The following NHSL2 variants were observed in gnomAD, a reference collection of about 807,000 sequenced individuals.
NHSL2 encodes NHS-like protein 2.
In NHSL2, 27 loss-of-function variants were observed where a neutral mutation model predicts 53.4. The observed-to-expected ratio is 0.51, with a 90% CI of 0.37 to 0.70. NHSL2 has a LOEUF of 0.70. Among genes scored for constraint, NHSL2 ranks in the 30% least tolerant of loss-of-function variants. The pLI is 0.00. For synonymous variants in NHSL2, 408 were observed against 404.1 expected (o/e 1.01, Z -0.12); for missense variants, 892 against 980.1 (o/e 0.91, Z 1.20).
chrX:71,990,790 T>A (rs2042023871), intron 1 of NHSL2, among the ~76,000 whole-genome samples: 1 of 112,190 alleles, frequency 8.9e-6, no homozygotes, highest in African/African-American at 3.2e-5. Flanking sequence ...GCTTCCAGCA[T>A]AAAATCCAAA....
At chrX:71,970,481 G>A (rs1402148449) in intron 1 of NHSL2, among the ~76,000 whole-genome samples, 1 of 111,665 alleles carries the variant, frequency 9.0e-6, no homozygotes, top group Non-Finnish European at 1.9e-5. Context: ...CTAGGAATTT[G>A]TCTATTTTAT....
chrX:72,098,880 C>A (rs1215030401), intron 1 of NHSL2, among the ~76,000 whole-genome samples: 1 of 111,791 alleles, frequency 8.9e-6, no homozygotes, highest in African/African-American at 3.3e-5. Context: ...ATAACAGTTA[C>A]TTGTGTGTCC....
At chrX:72,036,402 T>G (rs2042241720) in intron 1 of NHSL2, among the ~76,000 whole-genome samples, 1 of 112,424 alleles carries the variant, frequency 8.9e-6, no homozygotes, top group South Asian at 3.6e-4. Context: ...TCTCTCTGAC[T>G]GCTTTCAAAA....
chrX:72,132,402 A>C (rs757592227), intron 2 of NHSL2, among the ~76,000 whole-genome samples, 168 bp downstream of exon 2: 2 of 111,998 alleles, frequency 1.8e-5, no homozygotes, highest in South Asian at 7.6e-4. Flanking sequence ...ATGATTCTGA[A>C]AGAGGCTATT....
chrX:72,131,733 G>T lies in NHSL2; in HGVS notation c.281-346G>T, dbSNP rs1440976226. On this transcript the variant is annotated intron_variant, in intron 1 of 7. Coordinates refer to ENST00000633930, the MANE Select transcript of NHSL2 (RefSeq NM_001013627.3). Reference sequence around the variant, plus strand: ...GGCGCTCTGGGCGGAGGGCCCGGCGGCTCGGCCCAGGGCGCGTTACCTCGT... The same window carrying T: ...GGCGCTCTGGGCGGAGGGCCCGGCGTCTCGGCCCAGGGCGCGTTACCTCGT... 9.1e-5 allele frequency: 29 copies of T among 320,258 alleles called. No individual in the cohort carries two copies. In the East Asian group the frequency reaches 1.4e-3, roughly 15 times the overall value. The allele number at this position is 320,258 out of a possible 1,213,427, so 26.4% of individuals were successfully genotyped here. A position where few individuals can be genotyped will look rare whatever the true frequency, so the allele number is the denominator to read the frequency against.
chrX:71,955,832 C>T (rs1234453357), intron 1 of NHSL2, among the ~76,000 whole-genome samples: 1 of 108,860 alleles, frequency 9.2e-6, no homozygotes, highest in Admixed American at 9.8e-5. Flanking sequence ...ATTCTGACCA[C>T]ATGTTTCCCA....
At chrX:72,116,489 G>A (rs1433598748) in intron 1 of NHSL2, among the ~76,000 whole-genome samples, 1 of 112,217 alleles carries the variant, frequency 8.9e-6, no homozygotes, top group African/African-American at 3.2e-5. Context: ...ATAGATCTTT[G>A]AGATCCAAAT....
At position 72,151,545 on chromosome X, in the gene NHSL2, A is replaced by C. The variant is rs10156916; in HGVS notation, c.*7971A>C. 1,210 of 111,671 alleles carry C rather than the reference A, an allele frequency of 0.011. 19 individuals are homozygous for C. Among genetic ancestry groups the C allele is most frequent in the African/African-American group, 0.038 (1,162 of 30,727 alleles). The allele number at this position is 111,671 out of a possible 1,213,427, so 9.2% of individuals were successfully genotyped here. On this transcript the variant is annotated 3_prime_UTR_variant, in exon 8 of 8. Coordinates refer to ENST00000633930, the MANE Select transcript of NHSL2 (RefSeq NM_001013627.3). ...CTGCATATGCCAACCATTACTCTTC[A>C]ATAGAGTGTCCTTCATGAGCTCTCT...
intron 1 of NHSL2, among the ~76,000 whole-genome samples, chrX:72,109,774 G>A (rs1208174985): frequency 9.0e-6 from 1 of 111,603 alleles, no homozygotes; most frequent in African/African-American, 3.3e-5. Context: ...GCCCAGGCAG[G>A]GTCTTCATTG....
In NHSL2 at chrX:72,131,160, G is replaced by T. The variant is rs1345574816; in HGVS notation, c.281-919G>T. 7 of 1,173,335 alleles carry T rather than the reference G, an allele frequency of 6.0e-6. No homozygotes were observed. The African/African-American group carries it at 7.2e-5, about 12-fold the overall frequency. On this transcript the variant is annotated intron_variant, in intron 1 of 7. Coordinates refer to ENST00000633930, the MANE Select transcript of NHSL2 (RefSeq NM_001013627.3). The stretch of plus-strand genomic sequence containing the variant: ...ACGCGGGCGGAGGCAGCGCCGGCGG[G>T]GGCGGGATGGGCAGCAGAGGGGGGT...
At chrX:71,980,559 GGGTGTGTGGGGTGT>G (rs2041971682) in intron 1 of NHSL2, among the ~76,000 whole-genome samples, 3 of 14,723 alleles carry the variant, frequency 2.0e-4, no homozygotes, top group African/African-American at 4.2e-4. Context: ...TGTGTGTGTG[GGGTGTGTGGGGTGT>G]GTGTGTGTGT....
chrX:71,970,226 T>C (rs2041919435), intron 1 of NHSL2, among the ~76,000 whole-genome samples: 1 of 112,096 alleles, frequency 8.9e-6, no homozygotes, highest in East Asian at 2.8e-4. Flanking sequence ...GATGTCCTTT[T>C]CTGGCTTTGG....
rs143008869 is a variant in NHSL2, at chrX:72,060,201, T to C, written c.281-71878T>C. Among the ~76,000 whole-genome samples, 403 of 111,997 alleles carry C rather than the reference T, an allele frequency of 3.6e-3. 2 individuals are homozygous for C. The highest frequency in any genetic ancestry group is 0.012 in the African/African-American group (382 of 30,775). On this transcript the variant is annotated intron_variant, in intron 1 of 7. Transcript: ENST00000633930. Reference sequence around the variant, plus strand: ...GAGCTTCAGTTTCCTAAAGTGCGAATTGAGGATAGTAATAGCTCCATTGCA... The same window carrying C: ...GAGCTTCAGTTTCCTAAAGTGCGAACTGAGGATAGTAATAGCTCCATTGCA...
At chrX:71,976,744 C>G (rs1183622898) in intron 1 of NHSL2, among the ~76,000 whole-genome samples, 1 of 112,361 alleles carries the variant, frequency 8.9e-6, no homozygotes, top group Non-Finnish European at 1.9e-5. Context: ...GGATTTGACT[C>G]CAGATCTGTC....
intron 1 of NHSL2, among the ~76,000 whole-genome samples, chrX:71,926,469 C>T (rs1188461955): frequency 1.8e-5 from 2 of 110,621 alleles, no homozygotes; most frequent in African/African-American, 6.6e-5. Context: ...TTTAGAATCA[C>T]CGGGCACACT....
intron 1 of NHSL2, among the ~76,000 whole-genome samples, chrX:72,032,115 G>A (rs898950735): frequency 9.0e-6 from 1 of 111,404 alleles, no homozygotes; most frequent in East Asian, 2.8e-4. Flanking sequence ...AAATAAGCCA[G>A]GCGCGGTGGT....
chrX:72,023,417 C>G (rs142722310), intron 1 of NHSL2, among the ~76,000 whole-genome samples: 217 of 112,602 alleles, frequency 1.9e-3, no homozygotes, highest in Non-Finnish European at 3.5e-3. Flanking sequence ...AAATGAGTGC[C>G]TAGAAAGGGA....
intron 1 of NHSL2, among the ~76,000 whole-genome samples, chrX:71,944,142 A>G (rs2041781835): frequency 8.9e-6 from 1 of 112,343 alleles, no homozygotes; most frequent in African/African-American, 3.2e-5. Flanking sequence ...AGACTTGGCC[A>G]ATGCCTGCCC....
At chrX:71,952,204 A>G (rs1337029003) in intron 1 of NHSL2, among the ~76,000 whole-genome samples, 2 of 112,389 alleles carry the variant, frequency 1.8e-5, no homozygotes, top group Non-Finnish European at 3.8e-5. Context: ...GCAAGTGTCA[A>G]AATGCCTGGA....
Sources: allele counts gnomAD v4.1 joint callset (sites outside exome capture counted in the v4.1 genomes callset), GRCh38; gene constraint gnomAD v4.1.1; transcripts MANE v1.5; gene names NCBI Gene and HGNC (gene_info 2026-07-23, HGNC 2026-07-21).